CACNA2D3: variants seen among roughly 807,000 people sequenced by gnomAD.
CACNA2D3 encodes the protein calcium voltage-gated channel auxiliary subunit alpha2delta 3, also known as voltage-dependent calcium channel subunit alpha-2/delta-3.
A neutral mutation model predicts 160.6 loss-of-function variants in CACNA2D3; 60 were observed. That is an observed-to-expected ratio of 0.37 (90% CI 0.30 to 0.46). The LOEUF is 0.46. Among genes scored for constraint, CACNA2D3 ranks in the 20% least tolerant of loss-of-function variants. The pLI is 1.00. For synonymous variants in CACNA2D3, 558 were observed against 492.9 expected (o/e 1.13, Z -1.75); for missense variants, 1,205 against 1,365.0 (o/e 0.88, Z 1.85).
At chr3:54,678,715 G>A (rs621943) in intron 11 of CACNA2D3, among the ~76,000 whole-genome samples, 8 of 32,908 alleles carry the variant, frequency 2.4e-4, no homozygotes, top group African/African-American at 3.7e-4. Context: ...AGTGAGACTC[G>A]GTCTCAAAAA....
intron 2 of CACNA2D3, among the ~76,000 whole-genome samples, chr3:54,160,548 T>C (rs534657203): frequency 1.3e-5 from 2 of 152,324 alleles, no homozygotes; most frequent in African/African-American, 4.8e-5. Flanking sequence ...GACCCTGGCA[T>C]CAGTCAGAGC....
intron 21 of CACNA2D3, among the ~76,000 whole-genome samples, chr3:54,881,740 A>G (rs1324421011): frequency 6.6e-6 from 1 of 152,208 alleles, no homozygotes; most frequent in Non-Finnish European, 1.5e-5. Flanking sequence ...GAGGACAGCC[A>G]GGAATGGGAA....
At chr3:54,370,862 T>G (rs1208363778) in intron 3 of CACNA2D3, among the ~76,000 whole-genome samples, 2 of 150,106 alleles carry the variant, frequency 1.3e-5, no homozygotes, top group Non-Finnish European at 1.5e-5. Flanking sequence ...AACAGTACAC[T>G]TTAACATTTT....
chr3:54,213,705 A>T (rs1258026048), intron 2 of CACNA2D3, among the ~76,000 whole-genome samples: 2 of 152,234 alleles, frequency 1.3e-5, no homozygotes, highest in Admixed American at 6.5e-5. Flanking sequence ...AAAATAGCAT[A>T]TTGTGCAGTT....
At chr3:54,917,247 A>G (rs1212195613) in intron 27 of CACNA2D3, among the ~76,000 whole-genome samples, 1 of 152,252 alleles carries the variant, frequency 6.6e-6, no homozygotes, top group Non-Finnish European at 1.5e-5. Context: ...CTACTGCATT[A>G]AAATGATGAT....
At chr3:54,484,874 T>G (rs1700991991) in intron 4 of CACNA2D3, among the ~76,000 whole-genome samples, 2 of 143,848 alleles carry the variant, frequency 1.4e-5, no homozygotes, top group African/African-American at 5.2e-5. Flanking sequence ...GGGGATGGAG[T>G]CTTACTCTGT....
chr3:54,787,407 A>G (rs1460561287), intron 13 of CACNA2D3, among the ~76,000 whole-genome samples: 1 of 152,220 alleles, frequency 6.6e-6, no homozygotes, highest in Non-Finnish European at 1.5e-5. Flanking sequence ...CAGAAGCACA[A>G]TTGATTTCTT....
chr3:54,157,944 A>C (rs953933118), intron 2 of CACNA2D3, among the ~76,000 whole-genome samples: 2 of 152,072 alleles, frequency 1.3e-5, no homozygotes, highest in Non-Finnish European at 2.9e-5. Context: ...GGGAGGTAGG[A>C]GAAGAAAGAA....
intron 4 of CACNA2D3, among the ~76,000 whole-genome samples, chr3:54,436,894 A>G (rs902178906): frequency 2.6e-5 from 4 of 152,204 alleles, no homozygotes; most frequent in South Asian, 2.1e-4. Context: ...ATGTATACCT[A>G]TGAAAGGTAT....
intron 31 of CACNA2D3, among the ~76,000 whole-genome samples, chr3:54,994,664 G>C (rs548943959): frequency 1.2e-3 from 182 of 152,274 alleles, no homozygotes; most frequent in African/African-American, 4.1e-3. Flanking sequence ...ATTCCAGGCA[G>C]TTAACATGCA....
rs547203838 is a variant in CACNA2D3 at position 55,074,168 on chromosome 3, C to T, written c.3238C>T (p.Leu1080Phe). 1.9e-5 allele frequency: 30 copies of T among 1,613,792 alleles called. No individual in the cohort carries two copies. In the South Asian group the frequency reaches 2.6e-4, roughly 14 times the overall value. The change falls in exon 38 of 38, where the codon CTT becomes TTT. Residue 1080 changes from leucine to phenylalanine, a missense_variant. Leu to Phe is a conservative substitution (Grantham distance 22). Coordinates refer to ENST00000474759, the MANE Select transcript of CACNA2D3 (RefSeq NM_018398.3). ...APSLQAQTVLLLLPLLLMLFS... is the reference protein window; with the variant it reads ...APSLQAQTVLFLLPLLLMLFS... The stretch of plus-strand genomic sequence containing the variant: ...GAGTCTCCAAGCCCAGACAGTCCTC[C>T]TTCTGCTCCCTCTGCTTTTGATGCT...
chr3:54,871,577 T>C lies in CACNA2D3; in HGVS notation c.1665T>C (p.Ser555=), dbSNP rs998780031. Residue 555 remains serine, a synonymous_variant, in exon 18 of 38, where the codon AGT becomes AGC. Transcript: ENST00000474759. ...AAAAGCGAAGGAAACCTAACTATAG[T>C]AGCGTTGACCTCTCTGAGGTGGAGT... ...EGKKRRKPNY[S]SVDLSEVEWE... 2 of 1,613,496 alleles carry C rather than the reference T, an allele frequency of 1.2e-6. No individual in the cohort carries two copies. The highest frequency in any genetic ancestry group is 2.7e-5 in the African/African-American group (2 of 74,922).
At chr3:55,073,623 A>G in intron 36 of CACNA2D3, 66 bp downstream of exon 36, 1 of 1,349,844 alleles carries the variant, frequency 7.4e-7, no homozygotes, top group Non-Finnish European at 1.1e-6. Context: ...GTGGTAAGGA[A>G]ACCTGGGGGA....
intron 16 of CACNA2D3, among the ~76,000 whole-genome samples, chr3:54,843,748 G>A (rs1318563545): frequency 6.6e-6 from 1 of 152,188 alleles, no homozygotes; most frequent in African/African-American, 2.4e-5. Context: ...AATTAATATA[G>A]TAGTGGTACA....
chr3:54,873,843 C>G (rs549793305), intron 18 of CACNA2D3, among the ~76,000 whole-genome samples: 1 of 152,332 alleles, frequency 6.6e-6, no homozygotes, highest in South Asian at 2.1e-4. Flanking sequence ...CACCATTTCT[C>G]TCCTGGGGAT....
chr3:54,234,959 G>C (rs569169817), intron 2 of CACNA2D3, among the ~76,000 whole-genome samples: 1 of 152,142 alleles, frequency 6.6e-6, no homozygotes, highest in South Asian at 2.1e-4. Context: ...AAACCCCCAA[G>C]ACACATGTTT....
chr3:54,603,089 G>T (rs1479802092), intron 9 of CACNA2D3, among the ~76,000 whole-genome samples: 1 of 152,202 alleles, frequency 6.6e-6, no homozygotes, highest in Non-Finnish European at 1.5e-5. Flanking sequence ...AGAAATAACC[G>T]GAGATGAGGG....
chr3:54,573,174 AT>A (rs1702527982), intron 8 of CACNA2D3, among the ~76,000 whole-genome samples: 1 of 152,198 alleles, frequency 6.6e-6, no homozygotes, highest in Non-Finnish European at 1.5e-5. Flanking sequence ...TATTTACATA[AT>A]TATTTCAACA....
intron 2 of CACNA2D3, among the ~76,000 whole-genome samples, chr3:54,227,048 C>T (rs1701685819): frequency 6.6e-6 from 1 of 152,196 alleles, no homozygotes; most frequent in African/African-American, 2.4e-5. Context: ...AAGTTAAACA[C>T]AGAATGAATC....
Sources: gnomAD v4.1 joint callset for allele counts (sites outside exome capture counted in the v4.1 genomes callset) on GRCh38, gnomAD v4.1.1 for gene constraint, MANE v1.5 for transcripts, NCBI Gene and HGNC (gene_info 2026-07-23, HGNC 2026-07-21) for gene names.